Variants in LTBP4 observed in about 807,000 individuals in gnomAD.
The protein encoded by LTBP4 is latent-transforming growth factor beta-binding protein 4.
A neutral mutation model predicts 180.2 loss-of-function variants in LTBP4; 93 were observed. The ratio of observed to expected loss-of-function variants is 0.52; its 90% CI spans 0.44 to 0.61. The LOEUF (loss-of-function observed/expected upper bound fraction) is 0.61, where lower values mean the gene tolerates loss of function less well. Ranked by LOEUF, LTBP4 falls within the 20% of genes least tolerant of loss-of-function variation. The pLI is 0.00. For missense variants in LTBP4, 2,116 were observed against 2,256.5 expected (o/e 0.94, Z 1.26); for synonymous variants, 947 against 934.5 (o/e 1.01, Z -0.24).
At position 40,614,463 on chromosome 19, in the gene LTBP4, C is replaced by T; in HGVS notation, c.2812+17C>T. 1 of 1,595,350 alleles carries T rather than the reference C, an allele frequency of 6.3e-7. No homozygotes were observed. Among genetic ancestry groups the T allele is most frequent in the Non-Finnish European group, 8.5e-7 (1 of 1,178,262 alleles). ...CCTGTGACGGTGAGCCTGCCCCCAC[C>T]CGCCTTCGCTAGCGCTTGCAACGCG... On this transcript the variant is annotated intron_variant, in intron 19 of 29. Transcript: ENST00000396819.
At chr19:40,595,165 C>T (rs1568398338) in intron 1 of LTBP4, among the ~76,000 whole-genome samples, 4 of 151,992 alleles carry the variant, frequency 2.6e-5, no homozygotes, top group Admixed American at 2.0e-4. Flanking sequence ...CATGTGGTCA[C>T]GTCCCAGTTT....
chr19:40,599,120 TC>T, upstream of LTBP4: 1 of 1,368,302 alleles, frequency 7.3e-7, no homozygotes, highest in South Asian at 1.2e-5. Flanking sequence ...CGTCTTGGTT[TC>T]CCCTCCCCGA....
In LTBP4 at chr19:40,616,918, G is replaced by A. The variant is rs765491766; in HGVS notation, c.2842G>A (p.Glu948Lys). ...DVDECQEYGP[E>K]ICGAQRCENT... ...GGATGAGTGCCAAGAATATGGTCCC[G>A]AGATTTGTGGAGCCCAGCGTTGTGA... Residue 948 changes from glutamate (E) to lysine (K), a missense_variant, in exon 20 of 30, where the codon GAG (glutamate) becomes AAG (lysine). Transcript: ENST00000396819. 5.6e-6 allele frequency: 9 copies of A among 1,613,828 alleles called. No individual in the cohort carries two copies. The highest frequency in any genetic ancestry group is 7.6e-6 in the Non-Finnish European group (9 of 1,179,886).
Position 40,611,998 on chromosome 19 carries a change from G to C in LTBP4, c.2179+14G>C, listed in dbSNP as rs1010944421. 1.3e-5 allele frequency: 21 copies of C among 1,611,584 alleles called. No individual in the cohort carries two copies. Among genetic ancestry groups the C allele is most frequent in the Non-Finnish European group, 1.6e-5 (19 of 1,178,654 alleles). On this transcript the variant is annotated intron_variant, in intron 14 of 29. Coordinates refer to ENST00000396819, the MANE Select transcript of LTBP4 (RefSeq NM_001042545.2). The surrounding 1 kb of genome is among the most constrained non-coding windows in gnomAD (Gnocchi z 4.4). ...CCGAGTGCGAGGGTGAGGCCGGGGA[G>C]GGAGGGAGGAGTGTGGATGGGTGAG... is the stretch of plus-strand genomic sequence containing the variant.
Position 40,622,239 on chromosome 19 carries a change from GA to G in LTBP4, c.3218-159del. 1.4e-6 allele frequency: 1 copy of G among 729,596 alleles called. No homozygotes were observed. The allele number at this position is 729,596 out of a possible 1,614,324, so 45.2% of individuals were successfully genotyped here. A position where few individuals can be genotyped will look rare whatever the true frequency, so the allele number is the denominator to read the frequency against. On this transcript the variant is annotated intron_variant, in intron 22 of 29. Transcript: ENST00000396819. The surrounding 1 kb of genome is among the most constrained non-coding windows in gnomAD (Gnocchi z 5.1). ...ACAGGAGGTGACAGTGGGAGAAAGA[GA>G]AACAGTGACAGAGGAGCGTGAGAGG... is the stretch of plus-strand genomic sequence containing the variant.
chr19:40,597,153 G>A (rs193301807), upstream of LTBP4: 4,191 of 1,219,272 alleles, frequency 3.4e-3, 127 homozygotes, highest in East Asian at 0.066. Context: ...CGGGGGCGGG[G>A]GCGGGGGCAG....
chr19:40,600,006 C>T, upstream of LTBP4: 1 of 856,018 alleles, frequency 1.2e-6, no homozygotes. This position sits in a 1 kb window ranked among gnomAD's most constrained non-coding sequence, Gnocchi z 4.4. Context: ...GGCATGGAGG[C>T]CCTTTGGTGG....
chr19:40,595,515 G>A (rs779564616), intron 1 of LTBP4, among the ~76,000 whole-genome samples: 1 of 151,964 alleles, frequency 6.6e-6, no homozygotes, highest in Non-Finnish European at 1.5e-5. Flanking sequence ...GCCATCCCCA[G>A]AGGGTATCAG....
At chr19:40,610,495 T>C in intron 11 of LTBP4, 37 bp from the exon 12 acceptor site, 1 of 1,566,990 alleles carries the variant, frequency 6.4e-7, no homozygotes. Flanking sequence ...CCCGGGGCTG[T>C]CTGCCCCAGT....
chr19:40,617,352 A>T, intron 21 of LTBP4, 127 bp downstream of exon 21: 1 of 1,290,122 alleles, frequency 7.8e-7, no homozygotes. Context: ...GGAATATAAG[A>T]TCATCTTCAT....
rs576333274 is a variant in LTBP4, at chr19:40,607,269, C to T, written c.992-96C>T. The T allele has an allele frequency of 6.3e-4, 440 of 693,050 alleles. 3 individuals are homozygous for T. The African/African-American group carries it at 6.6e-3, about 10-fold the overall frequency. 42.9% of individuals were successfully genotyped at this position (693,050 alleles called of 1,614,324 possible). A position where few individuals can be genotyped will look rare whatever the true frequency, so the allele number is the denominator to read the frequency against. On this transcript the variant is annotated intron_variant, in intron 6 of 29. Transcript: ENST00000396819. ...GCCCCTCGCACCCACCAACCCCCCACCCCCAACCCCAGAACCATTCCCCTC... is the reference window on the plus strand; with the variant it reads ...GCCCCTCGCACCCACCAACCCCCCATCCCCAACCCCAGAACCATTCCCCTC...
At chr19:40,610,432 A>T (rs994008041) in intron 11 of LTBP4, 100 bp from the exon 12 acceptor site, 3 of 1,417,410 alleles carry the variant, frequency 2.1e-6, no homozygotes, top group African/African-American at 1.4e-5. Context: ...GCTCTGGCCC[A>T]AGCTTGGTCC....
intron 24 of LTBP4, 37 bp downstream of exon 24, chr19:40,623,058 C>G (rs2081597810): frequency 6.6e-7 from 1 of 1,525,024 alleles, no homozygotes; most frequent in Non-Finnish European, 8.9e-7. Context: ...CCACTCAGCT[C>G]TGAGGCCCAG....
In LTBP4 at chr19:40,627,158, G is replaced by A. The variant is rs886054451; in HGVS notation, c.4169G>A (p.Gly1390Glu). 1 of 1,612,672 alleles carries A rather than the reference G, an allele frequency of 6.2e-7. No homozygotes were observed. The highest frequency in any genetic ancestry group is 1.1e-5 in the South Asian group (1 of 90,948). ...TACGACCCCTACCCACCGCCACCTG[G>A]GCCCTTCGCCCGCCGGGAGGCTCCT... ...LPYDPYPPPP[G>E]PFARREAPYG... is the part of the protein sequence containing the mutation. The change falls in exon 28 of 30, where the codon GGG becomes GAG. Residue 1390 changes from glycine (G) to glutamate (E), a missense_variant. Gly to Glu is a moderately conservative substitution (Grantham distance 98). Around this residue, in one of 5 missense-constraint regions of LTBP4, gnomAD observed 488 missense variants for 458.8 expected, o/e 1.06. Transcript: ENST00000396819.
intron 12 of LTBP4, 97 bp downstream of exon 12, chr19:40,610,754 T>C: frequency 1.4e-6 from 2 of 1,461,968 alleles, no homozygotes; most frequent in Admixed American, 4.8e-5. Context: ...GCAAAGCGAG[T>C]TGATTTGGAG....
chr19:40,602,159 G>T (rs948236069), intron 1 of LTBP4, among the ~76,000 whole-genome samples: 9 of 143,494 alleles, frequency 6.3e-5, no homozygotes, highest in African/African-American at 2.4e-4. Context: ...GTGTGTGTGT[G>T]TGTGTGTGTG....
intron 19 of LTBP4, chr19:40,615,193 C>CGGGG (rs766440164): frequency 4.2e-4 from 10 of 23,594 alleles, no homozygotes; most frequent in East Asian, 1.5e-3. Flanking sequence ...TTTGTGTCGG[C>CGGGG]GGGGGGGGGG....
At chr19:40,615,202 G>GGGC (rs1052026826) in intron 19 of LTBP4, 5 of 147,918 alleles carry the variant, frequency 3.4e-5, no homozygotes, top group African/African-American at 1.0e-4. Flanking sequence ...GCGGGGGGGG[G>GGGC]GGGGCGGTGA....
At chr19:40,602,732 CG>C (rs2081433463) in intron 1 of LTBP4, among the ~76,000 whole-genome samples, 1 of 152,186 alleles carries the variant, frequency 6.6e-6, no homozygotes. Flanking sequence ...CTCAACTCCC[CG>C]CTTGGCCAGG....
Sources: gnomAD v4.1 joint callset for allele counts (sites outside exome capture counted in the v4.1 genomes callset) on GRCh38, gnomAD v4.1.1 for gene constraint, gnomAD v4.1.1 regional missense constraint, Gnocchi (gnomAD v3.1) non-coding constraint, MANE v1.5 for transcripts, NCBI Gene and HGNC (gene_info 2026-07-23, HGNC 2026-07-21) for gene names.